The following ARHGEF10L variants were observed in gnomAD, a reference collection of about 807,000 sequenced individuals.
The protein encoded by ARHGEF10L is Rho guanine nucleotide exchange factor 10 like.
A neutral mutation model predicts 141.2 loss-of-function variants in ARHGEF10L; 69 were observed. The observed-to-expected ratio is 0.49, with a 90% confidence interval of 0.40 to 0.60. The LOEUF is 0.60. ARHGEF10L is among the 20% of genes least tolerant of loss of function. The pLI is 0.00. For missense variants in ARHGEF10L, 1,482 were observed against 1,734.3 expected (o/e 0.85, Z 2.58); for synonymous variants, 711 against 718.5 (o/e 0.99, Z 0.17).
Position 17,615,968 on chromosome 1 carries a change from G to C in ARHGEF10L, c.727-126G>C. 1 of 749,894 alleles carries C rather than the reference G, an allele frequency of 1.3e-6. No homozygotes were observed. The highest frequency in any genetic ancestry group is 1.6e-5 in the South Asian group (1 of 61,220). 46.5% of individuals were successfully genotyped at this position (749,894 alleles called of 1,614,324 possible). A position where few individuals can be genotyped will look rare whatever the true frequency, so the allele number is the denominator to read the frequency against. Reference sequence around the variant, plus strand: ...CTGTCGTCCTTGGCCTTTGCTCACGGACCTGGGAGGGAAGGGTCTGGGTGG... The same window carrying C: ...CTGTCGTCCTTGGCCTTTGCTCACGCACCTGGGAGGGAAGGGTCTGGGTGG... On this transcript the variant is annotated intron_variant, in intron 8 of 28. Coordinates refer to ENST00000361221, the MANE Select transcript of ARHGEF10L (RefSeq NM_018125.4). The surrounding 1 kb of genome is among the most constrained non-coding windows in gnomAD (Gnocchi z 4.7).
At chr1:17,589,049 A>C (rs1035170542) in intron 4 of ARHGEF10L, among the ~76,000 whole-genome samples, 20 of 152,064 alleles carry the variant, frequency 1.3e-4, no homozygotes, top group Non-Finnish European at 2.8e-4. Context: ...AGCCTGTCAG[A>C]GGCAGTGTAG....
intron 25 of ARHGEF10L, among the ~76,000 whole-genome samples, chr1:17,662,280 C>T (rs141895342): frequency 1.3e-4 from 20 of 152,276 alleles, no homozygotes; most frequent in Non-Finnish European, 2.6e-4. Flanking sequence ...GCGTAACAAC[C>T]GCTGTCAAGA....
At chr1:17,563,266 G>A (rs1469217119) in intron 1 of ARHGEF10L, among the ~76,000 whole-genome samples, 7 of 149,264 alleles carry the variant, frequency 4.7e-5, no homozygotes, top group Non-Finnish European at 7.4e-5. Context: ...ACAGGGTCTC[G>A]TTCCATTGCC....
At chr1:17,647,007 A>T (rs1557922533) in intron 21 of ARHGEF10L, among the ~76,000 whole-genome samples, 1 of 151,802 alleles carries the variant, frequency 6.6e-6, no homozygotes, top group Non-Finnish European at 1.5e-5. Flanking sequence ...AGCAAAGATG[A>T]CTGTAGTGTC....
At chr1:17,516,397 TC>T in the ARHGEF10L span, among the ~76,000 whole-genome samples, 1 of 152,136 alleles carries the variant, frequency 6.6e-6, no homozygotes, top group Admixed American at 6.5e-5. Context: ...AGAAGATCCC[TC>T]CCCTCTACAG....
At chr1:17,635,485 C>T (rs2060944340) in intron 18 of ARHGEF10L, among the ~76,000 whole-genome samples, 1 of 152,208 alleles carries the variant, frequency 6.6e-6, no homozygotes, top group Non-Finnish European at 1.5e-5. Context: ...TCTGCTGCAG[C>T]CATGCCAGCC....
rs142009183 is a variant in ARHGEF10L, at chr1:17,664,472, C to G, written c.2886C>G (p.Ser962Arg). 3.3e-4 allele frequency: 522 copies of G among 1,605,712 alleles called. No individual in the cohort carries two copies. The highest frequency in any genetic ancestry group is 4.1e-4 in the Non-Finnish European group (486 of 1,179,814). ...GAGGTGTCCTGTGGGACCTGGAGAGCCCTCCCGTGTGCCTGACTGTGGGGC... is the reference window on the plus strand; with the variant it reads ...GAGGTGTCCTGTGGGACCTGGAGAGGCCTCCCGTGTGCCTGACTGTGGGGC... ...TSGGVLWDLESPPVCLTVGPG... is the reference protein window; with the variant it reads ...TSGGVLWDLERPPVCLTVGPG... The change falls in exon 26 of 29, where the codon AGC (serine) becomes AGG (arginine). Residue 962 changes from serine (S) to arginine (R), a missense_variant. This residue lies in a region of ARHGEF10L where 858 missense variants were observed against 966.3 expected (regional missense o/e 0.89). Coordinates refer to ENST00000361221, the MANE Select transcript of ARHGEF10L (RefSeq NM_018125.4).
At chr1:17,631,543 C>T (rs112358407) in intron 15 of ARHGEF10L, among the ~76,000 whole-genome samples, 3,253 of 152,326 alleles carry the variant, frequency 0.021, 94 homozygotes, top group Non-Finnish European at 0.027. Context: ...CACAAGGCCA[C>T]GCCTGCTCCA....
chr1:17,633,179 C>T (rs1264362193), intron 16 of ARHGEF10L, among the ~76,000 whole-genome samples: 1 of 152,198 alleles, frequency 6.6e-6, no homozygotes, highest in Admixed American at 6.5e-5. Context: ...GGGCTTGGGC[C>T]CTGCCATTCT....
Position 17,655,988 on chromosome 1 carries a change from TG to T in ARHGEF10L, c.2593del (p.Glu865SerfsTer53). 6.4e-7 allele frequency: 1 copy of T among 1,570,058 alleles called. No individual in the cohort carries two copies. The highest frequency in any genetic ancestry group is 8.6e-7 in the Non-Finnish European group (1 of 1,156,594). On this transcript the variant is annotated frameshift_variant, in exon 24 of 29. Coordinates refer to ENST00000361221, the MANE Select transcript of ARHGEF10L (RefSeq NM_018125.4). LOFTEE classifies it high-confidence loss of function. The part of the protein sequence containing the change: ...SFPLAAPVLC[M>X]EYIPELEEEA... ...CCACTGGCAGCCCCTGTGCTCTGCATGGAGTATATCCCGGAGCTGGAGGAGG... is the reference window on the plus strand; with the variant it reads ...CCACTGGCAGCCCCTGTGCTCTGCATGAGTATATCCCGGAGCTGGAGGAGG...
chr1:17,654,775 G>A lies in ARHGEF10L; in HGVS notation c.2481+53G>A. ...ATTCTGGCCTCAGGACAGGAGTAGG[G>A]AGAGCGGCACCTGGGAGGGGGTGCT... On this transcript the variant is annotated intron_variant, in intron 23 of 28. Coordinates refer to ENST00000361221, the MANE Select transcript of ARHGEF10L (RefSeq NM_018125.4). The surrounding 1 kb of genome is among the most constrained non-coding windows in gnomAD (Gnocchi z 4.3). The A allele has an allele frequency of 1.3e-6, 2 of 1,530,120 alleles. No homozygotes were observed. Among genetic ancestry groups the A allele is most frequent in the Non-Finnish European group, 9.0e-7 (1 of 1,107,910 alleles). The allele number at this position is 1,530,120 out of a possible 1,614,324, so 94.8% of individuals were successfully genotyped here.
At chr1:17,564,464 C>T (rs769524127) in intron 1 of ARHGEF10L, among the ~76,000 whole-genome samples, 1 of 152,292 alleles carries the variant, frequency 6.6e-6, no homozygotes. Context: ...CCTACTTGCT[C>T]CCATGGGTGG....
chr1:17,540,135 G>A (rs1217395507), intron 1 of ARHGEF10L, among the ~76,000 whole-genome samples, 185 bp downstream of exon 1: 1 of 152,054 alleles, frequency 6.6e-6, no homozygotes, highest in Non-Finnish European at 1.5e-5. Flanking sequence ...CCGAGCCCGC[G>A]TCTCCCCTCT....
At position 17,616,078 on chromosome 1, in the gene ARHGEF10L, C is replaced by G. The variant is rs756542393; in HGVS notation, c.727-16C>G. On this transcript the variant is annotated splice_polypyrimidine_tract_variant and intron_variant, in intron 8 of 28. Transcript: ENST00000361221. ...AGGCCGTCCCTTCCCTGATGAGCCT[C>G]TCTACCTTTGCTCAGATGACCCAGC... 4 of 1,611,510 alleles carry G rather than the reference C, an allele frequency of 2.5e-6. No homozygotes were observed. The African/African-American group carries it at 5.3e-5, about 22-fold the overall frequency.
chr1:17,675,853 G>T (rs1170223356), intron 26 of ARHGEF10L, among the ~76,000 whole-genome samples: 2 of 149,418 alleles, frequency 1.3e-5, no homozygotes, highest in African/African-American at 2.5e-5. Context: ...TGTGGGTGCA[G>T]GTGTGGGTAC....
At chr1:17,583,440 C>T (rs2078758777) in intron 2 of ARHGEF10L, among the ~76,000 whole-genome samples, 1 of 152,118 alleles carries the variant, frequency 6.6e-6, no homozygotes, top group African/African-American at 2.4e-5. Context: ...GAATCATCAT[C>T]GTCAGAAAAG....
chr1:17,630,765 C>T (rs538692883), intron 15 of ARHGEF10L, among the ~76,000 whole-genome samples: 8 of 152,360 alleles, frequency 5.3e-5, no homozygotes, highest in African/African-American at 1.9e-4. Flanking sequence ...TAAGAGCCAT[C>T]CTCAGTGCCT....
Position 17,561,239 on chromosome 1 carries a change from G to A in ARHGEF10L, c.-43-19314G>A, listed in dbSNP as rs538599329. ...AGAGCAACCAGTGGGCCTCAAAGGC[G>A]ATTGAGGGCTGCTTCCCCTGCCCTG... is the stretch of plus-strand genomic sequence containing the variant. On this transcript the variant is annotated intron_variant, in intron 1 of 28. Coordinates refer to ENST00000361221, the MANE Select transcript of ARHGEF10L (RefSeq NM_018125.4). Among the ~76,000 whole-genome samples, 6 of 152,288 alleles carry A rather than the reference G, an allele frequency of 3.9e-5. No homozygotes were observed. In the East Asian group the frequency reaches 1.2e-3, roughly 29 times the overall value.
At chr1:17,524,755 C>T in the ARHGEF10L span, among the ~76,000 whole-genome samples, 43 of 152,234 alleles carry the variant, frequency 2.8e-4, no homozygotes, top group South Asian at 8.7e-3. Context: ...AAGTAAGCAC[C>T]TCCCATCATG....
Sources: gnomAD v4.1 joint callset for allele counts (sites outside exome capture counted in the v4.1 genomes callset) on GRCh38, gnomAD v4.1.1 for gene constraint, gnomAD v4.1.1 regional missense constraint, Gnocchi (gnomAD v3.1) non-coding constraint, MANE v1.5 for transcripts, NCBI Gene and HGNC (gene_info 2026-07-23, HGNC 2026-07-21) for gene names.